OR6C75: variants seen among roughly 807,000 people sequenced by gnomAD.
The protein encoded by OR6C75 is olfactory receptor 6C75.
For missense variants in OR6C75, 380 were observed against 368.0 expected (o/e 1.03, Z -0.27); for synonymous variants, 149 against 130.6 (o/e 1.14, Z -0.96).
Position 55,365,082 on chromosome 12 carries a change from T to C in OR6C75, c.-29T>C, listed in dbSNP as rs561266446. The stretch of plus-strand genomic sequence containing the variant: ...TTCTTCACCTATTTTACAGCGAAAA[T>C]ACAGAATACTTTTCTAAAGAAAAAA... On this transcript the variant is annotated 5_prime_UTR_variant, in exon 3 of 3. Transcript: ENST00000641576. 4.0e-6 allele frequency: 6 copies of C among 1,485,830 alleles called. No homozygotes were observed. The East Asian group carries it at 1.4e-4, about 34-fold the overall frequency. 92.0% of individuals were successfully genotyped at this position (1,485,830 alleles called of 1,614,324 possible). A position where few individuals can be genotyped will look rare whatever the true frequency, so the allele number is the denominator to read the frequency against.
Position 55,365,071 on chromosome 12 carries a change from T to G in OR6C75, c.-40T>G, listed in dbSNP as rs759807264. 4 of 1,396,958 alleles carry G rather than the reference T, an allele frequency of 2.9e-6. No homozygotes were observed. In the African/African-American group the frequency reaches 5.8e-5, roughly 20 times the overall value. 86.5% of individuals were successfully genotyped at this position (1,396,958 alleles called of 1,614,324 possible). On this transcript the variant is annotated 5_prime_UTR_variant, in exon 3 of 3. It introduces an in-frame stop codon into an upstream open reading frame of the 5' UTR. Transcript: ENST00000641576. ...AGTTTTCTGGTTTCTTCACCTATTT[T>G]ACAGCGAAAATACAGAATACTTTTC...
rs1869803634 is a variant in OR6C75, at chr12:55,366,291, G to A, written c.*242G>A. On this transcript the variant is annotated 3_prime_UTR_variant, in exon 3 of 3. Transcript: ENST00000641576. ...TTTTAGGTAAATTAATAATTACTATGGTTTATTGAGGGATAGCATTGGGAG... is the reference window on the plus strand; with the variant it reads ...TTTTAGGTAAATTAATAATTACTATAGTTTATTGAGGGATAGCATTGGGAG... The A allele has an allele frequency of 6.0e-6, 2 of 331,916 alleles. No homozygotes were observed. Among genetic ancestry groups the A allele is most frequent in the Non-Finnish European group, 1.1e-5 (2 of 181,980 alleles). 20.6% of individuals were successfully genotyped at this position (331,916 alleles called of 1,614,324 possible).
Position 55,366,140 on chromosome 12 carries a change from T to C in OR6C75, c.*91T>C. ...ACATGAACTCTTTCTAAACACCTTATTTCACACTTTTAGTTAGACATAGTT... is the reference window on the plus strand; with the variant it reads ...ACATGAACTCTTTCTAAACACCTTACTTCACACTTTTAGTTAGACATAGTT... On this transcript the variant is annotated 3_prime_UTR_variant, in exon 3 of 3. Transcript: ENST00000641576. The C allele has an allele frequency of 1.4e-6, 1 of 719,532 alleles. No individual in the cohort carries two copies. The highest frequency in any genetic ancestry group is 2.7e-5 in the East Asian group (1 of 36,976). 44.6% of individuals were successfully genotyped at this position (719,532 alleles called of 1,614,324 possible). A position where few individuals can be genotyped will look rare whatever the true frequency, so the allele number is the denominator to read the frequency against.
At position 55,365,385 on chromosome 12, in the gene OR6C75, A is replaced by G. The variant is rs140968898; in HGVS notation, c.275A>G (p.Tyr92Cys). ...GTGACAGGAAACAGAACCATTTCTT[A>G]TAATGGGTGTGTGGCTCAGCTATTT... The part of the protein sequence containing the change: ...TVVTGNRTIS[Y>C]NGCVAQLFFF... Residue 92 changes from tyrosine to cysteine, a missense_variant, in exon 3 of 3, where the codon TAT becomes TGT. Transcript: ENST00000641576. 2 of 1,614,052 alleles carry G rather than the reference A, an allele frequency of 1.2e-6. No homozygotes were observed. Among genetic ancestry groups the G allele is most frequent in the Non-Finnish European group, 1.7e-6 (2 of 1,179,980 alleles).
Position 55,365,013 on chromosome 12 carries a change from A to G in OR6C75, c.-98A>G, listed in dbSNP as rs184942278. 4.1e-4 allele frequency: 325 copies of G among 799,860 alleles called. 3 individuals are homozygous for G. In the African/African-American group the frequency reaches 5.2e-3, roughly 13 times the overall value. 49.5% of individuals were successfully genotyped at this position (799,860 alleles called of 1,614,324 possible). ...ATGGTAAATGGAAAGAGCCAGACAG[A>G]AAAAAAATAATAATTTTCTTTACTG... On this transcript the variant is annotated 5_prime_UTR_variant, in exon 3 of 3. Coordinates refer to ENST00000641576, the MANE Select transcript of OR6C75 (RefSeq NM_001005497.2).
Position 55,369,263 on chromosome 12 carries a change from A to G in OR6C75, c.*3214A>G, listed in dbSNP as rs761381131. ...TCTAATGTTCAATAAATGTAAACCCATGAAAATCACTATGAATCTTTCCTT... is the reference window on the plus strand; with the variant it reads ...TCTAATGTTCAATAAATGTAAACCCGTGAAAATCACTATGAATCTTTCCTT... On this transcript the variant is annotated 3_prime_UTR_variant, in exon 3 of 3. Coordinates refer to ENST00000641576, the MANE Select transcript of OR6C75 (RefSeq NM_001005497.2). 1 of 151,802 alleles carries G rather than the reference A, an allele frequency of 6.6e-6. No individual in the cohort carries two copies. The highest frequency in any genetic ancestry group is 2.4e-5 in the African/African-American group (1 of 41,524). The allele number at this position is 151,802 out of a possible 1,614,324, so 9.4% of individuals were successfully genotyped here.
chr12:55,366,864 C>T lies in OR6C75; in HGVS notation c.*815C>T, dbSNP rs1869817448. On this transcript the variant is annotated 3_prime_UTR_variant, in exon 3 of 3. Coordinates refer to ENST00000641576, the MANE Select transcript of OR6C75 (RefSeq NM_001005497.2). ...ATTTCCTTAAAAATAGATTATTTAA[C>T]AGAGAACTTTTCTGTTTCTGCCAAT... 1 of 151,952 alleles carries T rather than the reference C, an allele frequency of 6.6e-6. No homozygotes were observed. The highest frequency in any genetic ancestry group is 2.4e-5 in the African/African-American group (1 of 41,374). The allele number at this position is 151,952 out of a possible 1,614,324, so 9.4% of individuals were successfully genotyped here. A position where few individuals can be genotyped will look rare whatever the true frequency, so the allele number is the denominator to read the frequency against.
At position 55,365,217 on chromosome 12, in the gene OR6C75, G is replaced by T. The variant is rs749003280; in HGVS notation, c.107G>T (p.Ser36Ile). 98 of 1,612,466 alleles carry T rather than the reference G, an allele frequency of 6.1e-5. No individual in the cohort carries two copies. The highest frequency in any genetic ancestry group is 7.6e-5 in the Non-Finnish European group (90 of 1,179,452). The change falls in exon 3 of 3, where the codon AGT becomes ATT. Residue 36 changes from serine (S) to isoleucine (I), a missense_variant. Transcript: ENST00000641576. Reference sequence around the variant, plus strand: ...TTTCTTCTTGTTACCTACATGTTAAGTGTGACTGGGAACCTGATCATTATC... The same window carrying T: ...TTTCTTCTTGTTACCTACATGTTAATTGTGACTGGGAACCTGATCATTATC... ...FIFLLVTYML[S>I]VTGNLIIITL...
rs1869767063 is a variant in OR6C75 at position 55,365,220 on chromosome 12, T to A, written c.110T>A (p.Val37Glu). Residue 37 changes from valine (V) to glutamate (E), a missense_variant, in exon 3 of 3, where the codon GTG (valine) becomes GAG (glutamate). Coordinates refer to ENST00000641576, the MANE Select transcript of OR6C75 (RefSeq NM_001005497.2). ...CTTCTTGTTACCTACATGTTAAGTG[T>A]GACTGGGAACCTGATCATTATCACC... ...IFLLVTYMLS[V>E]TGNLIIITLT... The A allele has an allele frequency of 6.2e-7, 1 of 1,612,492 alleles. No homozygotes were observed. Among genetic ancestry groups the A allele is most frequent in the Non-Finnish European group, 8.5e-7 (1 of 1,179,496 alleles).
Position 55,365,426 on chromosome 12 carries a change from G to A in OR6C75, c.316G>A (p.Gly106Arg), listed in dbSNP as rs760730475. The A allele has an allele frequency of 8.7e-6, 14 of 1,613,856 alleles. No individual in the cohort carries two copies. Among genetic ancestry groups the A allele is most frequent in the Non-Finnish European group, 1.1e-5 (13 of 1,179,938 alleles). Residue 106 changes from glycine to arginine, a missense_variant, in exon 3 of 3, where the codon GGG becomes AGG. Gly to Arg is a moderately radical substitution (Grantham distance 125, BLOSUM62 -2). Coordinates refer to ENST00000641576, the MANE Select transcript of OR6C75 (RefSeq NM_001005497.2). ...TCAGCTATTTTTTTTCATCTTCTTG[G>A]GGGTGACAGAATTTTACCTTCTGGC... The part of the protein sequence containing the change: ...VAQLFFFIFL[G>R]VTEFYLLAAM...
chr12:55,364,140 G>A (rs948098176), intron 2 of OR6C75, among the ~76,000 whole-genome samples: 2 of 148,902 alleles, frequency 1.3e-5, no homozygotes, highest in Non-Finnish European at 3.0e-5. Context: ...CACCATGCCC[G>A]GCTAATTTTT....
At chr12:55,364,342 T>TTTTTTTTTTTTTGCTATG (rs1869741119) in intron 2 of OR6C75, among the ~76,000 whole-genome samples, 1 of 115,304 alleles carries the variant, frequency 8.7e-6, no homozygotes. Context: ...TTTTTTTTTT[T>TTTTTTTTTTTTTGCTATG]GACACGGAAT....
rs1433729561 is a variant in OR6C75, at chr12:55,365,970, T to C, written c.860T>C (p.Ile287Thr). The C allele has an allele frequency of 6.2e-7, 1 of 1,612,746 alleles. No individual in the cohort carries two copies. The highest frequency in any genetic ancestry group is 1.1e-5 in the South Asian group (1 of 90,808). ...TSVAPLLNPFIYTLRNKQVKQ... is the reference protein window; with the variant it reads ...TSVAPLLNPFTYTLRNKQVKQ... ...GTGGCTCCTCTCTTGAATCCCTTCA[T>C]ATACACACTGAGAAATAAGCAAGTG... Residue 287 changes from isoleucine to threonine, a missense_variant, in exon 3 of 3, where the codon ATA (isoleucine) becomes ACA (threonine). Ile to Thr is a moderately conservative substitution (Grantham distance 89). Coordinates refer to ENST00000641576, the MANE Select transcript of OR6C75 (RefSeq NM_001005497.2).
rs1270229922 is a variant in OR6C75 at position 55,366,019 on chromosome 12, C to A, written c.909C>A (p.Val303=). 6.4e-7 allele frequency: 1 copy of A among 1,574,522 alleles called. No homozygotes were observed. Among genetic ancestry groups the A allele is most frequent in the Admixed American group, 2.0e-5 (1 of 50,916 alleles). The change falls in exon 3 of 3, where the codon GTC becomes GTA. Residue 303 remains valine (V), a synonymous_variant. Coordinates refer to ENST00000641576, the MANE Select transcript of OR6C75 (RefSeq NM_001005497.2). Reference sequence around the variant, plus strand: ...TGAAGCAAGCCTTCAAGAGCATGGTCCAGAAGATGATTTTTTCTTTAAATA... The same window carrying A: ...TGAAGCAAGCCTTCAAGAGCATGGTACAGAAGATGATTTTTTCTTTAAATA... ...KQVKQAFKSM[V]QKMIFSLNK
chr12:55,364,414 C>T (rs969515862), intron 2 of OR6C75, among the ~76,000 whole-genome samples: 14 of 140,746 alleles, frequency 9.9e-5, no homozygotes, highest in Non-Finnish European at 2.1e-4. Context: ...CAACCTCCAC[C>T]TCCCAGGTTC....
rs1480996409 is a variant in OR6C75, at chr12:55,367,679, G to A, written c.*1630G>A. The A allele has an allele frequency of 6.6e-6, 1 of 151,980 alleles. No homozygotes were observed. Among genetic ancestry groups the A allele is most frequent in the East Asian group, 1.9e-4 (1 of 5,180 alleles). 9.4% of individuals were successfully genotyped at this position (151,980 alleles called of 1,614,324 possible). A position where few individuals can be genotyped will look rare whatever the true frequency, so the allele number is the denominator to read the frequency against. ...AATCAGGCAAGAGAGAGAAATGAAA[G>A]GCATCCAAATAGGAAAAGAAGAAGT... On this transcript the variant is annotated 3_prime_UTR_variant, in exon 3 of 3. Transcript: ENST00000641576.
chr12:55,367,557 A>G lies in OR6C75; in HGVS notation c.*1508A>G, dbSNP rs1169120566. ...ACAGCCAATATCATAATAAACTAGC[A>G]AAAGTTGTATGCATTCTTCCTGAGA... On this transcript the variant is annotated 3_prime_UTR_variant, in exon 3 of 3. Transcript: ENST00000641576. 4 of 152,168 alleles carry G rather than the reference A, an allele frequency of 2.6e-5. No homozygotes were observed. Among genetic ancestry groups the G allele is most frequent in the African/African-American group, 9.7e-5 (4 of 41,418 alleles). The allele number at this position is 152,168 out of a possible 1,614,324, so 9.4% of individuals were successfully genotyped here. A position where few individuals can be genotyped will look rare whatever the true frequency, so the allele number is the denominator to read the frequency against.
chr12:55,366,736 T>G lies in OR6C75; in HGVS notation c.*687T>G, dbSNP rs1869814677. On this transcript the variant is annotated 3_prime_UTR_variant, in exon 3 of 3. Transcript: ENST00000641576. ...GTGCAGAGATATTATCTCTGTTGTT[T>G]GAATTAAGGCTGTATTACTTTTTGT... The G allele has an allele frequency of 6.6e-6, 1 of 152,160 alleles. No individual in the cohort carries two copies. The highest frequency in any genetic ancestry group is 1.5e-5 in the Non-Finnish European group (1 of 68,012). The allele number at this position is 152,160 out of a possible 1,614,324, so 9.4% of individuals were successfully genotyped here.
chr12:55,364,120 A>G (rs977955902), intron 2 of OR6C75, among the ~76,000 whole-genome samples: 1 of 150,512 alleles, frequency 6.6e-6, no homozygotes, highest in African/African-American at 2.4e-5. Flanking sequence ...CTGGGACTAC[A>G]GGCGTGCGTC....
Sources: gnomAD v4.1 joint callset for allele counts (sites outside exome capture counted in the v4.1 genomes callset) on GRCh38, gnomAD v4.1.1 for gene constraint, MANE v1.5 for transcripts, NCBI Gene and HGNC (gene_info 2026-07-23, HGNC 2026-07-21) for gene names.